LONRF3: variants seen among roughly 807,000 people sequenced by gnomAD.
LONRF3 encodes LON peptidase N-terminal domain and RING finger protein 3.
A neutral mutation model predicts 51.7 loss-of-function variants in LONRF3; 19 were observed. The ratio of observed to expected loss-of-function variants is 0.37; its 90% CI spans 0.26 to 0.54. LONRF3 has a LOEUF of 0.54. Among genes scored for constraint, LONRF3 ranks in the 20% least tolerant of loss-of-function variants. The pLI is 0.86. For missense variants in LONRF3, 521 were observed against 623.9 expected, an observed-to-expected ratio of 0.84 and a Z score of 1.76; for synonymous variants, 265 against 257.8, an observed-to-expected ratio of 1.03 and a Z score of -0.27.
intron 7 of LONRF3, among the ~76,000 whole-genome samples, chrX:119,010,429 C>CTTGTTTGA (rs1317026764): frequency 9.0e-6 from 1 of 111,477 alleles, no homozygotes; most frequent in African/African-American, 3.3e-5. Context: ...CTGCCAGTGG[C>CTTGTTTGA]TTGTTTGAAT....
At chrX:118,979,157 C>T (rs767923157) in intron 2 of LONRF3, among the ~76,000 whole-genome samples, 3 of 109,068 alleles carry the variant, frequency 2.8e-5, no homozygotes, top group South Asian at 4.1e-4. Flanking sequence ...CCCGCCACCA[C>T]ACCTGGCTAA....
chrX:118,974,971 C>A lies in LONRF3; in HGVS notation c.191C>A (p.Thr64Lys). The change falls in exon 1 of 11, where the codon ACG (threonine) becomes AAG (lysine). Residue 64 changes from threonine (T) to lysine (K), a missense_variant. Thr to Lys is a moderately conservative substitution (Grantham distance 78). Around this residue, in one of 2 missense-constraint regions of LONRF3, gnomAD observed 376 missense variants for 376.7 expected, o/e 1.00. Transcript: ENST00000371628. ...PEQEQSPGTSTPESKVLLTQA... is the reference protein window; with the variant it reads ...PEQEQSPGTSKPESKVLLTQA... ...CAAGAGCAGTCTCCGGGGACCTCAA[C>A]GCCGGAGAGCAAAGTCCTGCTCACG... is the stretch of plus-strand genomic sequence containing the variant. 1 of 1,175,588 alleles carries A rather than the reference C, an allele frequency of 8.5e-7. No individual in the cohort carries two copies. Among genetic ancestry groups the A allele is most frequent in the South Asian group, 1.9e-5 (1 of 53,003 alleles).
At chrX:119,011,492 T>C (rs1158215971) in intron 7 of LONRF3, among the ~76,000 whole-genome samples, 1 of 111,981 alleles carries the variant, frequency 8.9e-6, no homozygotes, top group African/African-American at 3.2e-5. Flanking sequence ...AGAAAAAATA[T>C]GAATTATAGC....
Position 118,975,139 on chromosome X carries a change from C to T in LONRF3, c.359C>T (p.Ala120Val). The T allele has an allele frequency of 8.6e-7, 1 of 1,168,987 alleles. No individual in the cohort carries two copies. The highest frequency in any genetic ancestry group is 1.1e-6 in the Non-Finnish European group (1 of 874,513). ...CLAEKVPQGE[A>V]LAPAPPDEGS... ...GCGGAGAAAGTCCCGCAAGGCGAGG[C>T]GCTGGCGCCGGCGCCCCCGGACGAG... Residue 120 changes from alanine to valine, a missense_variant, in exon 1 of 11, where the codon GCG (alanine) becomes GTG (valine). Physicochemically the swap from Ala to Val is moderately conservative, Grantham distance 64 (BLOSUM62 0). Around this residue, in one of 2 missense-constraint regions of LONRF3, gnomAD observed 376 missense variants for 376.7 expected, o/e 1.00. Transcript: ENST00000371628.
At chrX:119,009,355 T>C (rs935578620) in intron 7 of LONRF3, 108 bp downstream of exon 7, 5 of 829,715 alleles carry the variant, frequency 6.0e-6, no homozygotes, top group Non-Finnish European at 8.5e-6. Context: ...GCTAGCTGCT[T>C]GAAATTGGCT....
At chrX:119,014,431 A>G (rs904660987) in intron 10 of LONRF3, 75 bp downstream of exon 10, 8 of 939,099 alleles carry the variant, frequency 8.5e-6, no homozygotes, top group Non-Finnish European at 1.2e-5. Context: ...TTAGATGGGT[A>G]TGTGGCTGCC....
Position 118,986,686 on chromosome X carries a change from C to T in LONRF3, c.1060-2722C>T, listed in dbSNP as rs113110467. The stretch of plus-strand genomic sequence containing the variant: ...CCAGATTCCTGGGCCACACTCCAGA[C>T]CTGGGGGAGATGGGAGTACAAAGTA... On this transcript the variant is annotated intron_variant, in intron 3 of 10. Transcript: ENST00000371628. Among the ~76,000 whole-genome samples the T allele has an allele frequency of 2.5e-3, 278 of 111,828 alleles. 1 individual carries two copies. Among genetic ancestry groups the T allele is most frequent in the African/African-American group, 8.4e-3 (258 of 30,708 alleles).
intron 2 of LONRF3, among the ~76,000 whole-genome samples, chrX:118,980,029 T>G (rs1425323718): frequency 8.9e-6 from 1 of 112,296 alleles, no homozygotes; most frequent in Non-Finnish European, 1.9e-5. Flanking sequence ...GTTTGCAAAA[T>G]GAAGCTATTG....
chrX:119,004,854 C>G (rs1243812728), intron 5 of LONRF3, among the ~76,000 whole-genome samples: 2 of 112,289 alleles, frequency 1.8e-5, no homozygotes, highest in African/African-American at 6.5e-5. Context: ...TAAAGCTGTT[C>G]AGGTGATTCT....
intron 1 of LONRF3, among the ~76,000 whole-genome samples, chrX:118,978,121 G>A (rs59338453): frequency 0.014 from 1,581 of 111,266 alleles, 34 homozygotes; most frequent in African/African-American, 0.048. Context: ...ACTTGTGAGC[G>A]GGGGCAAAAA....
intron 3 of LONRF3, among the ~76,000 whole-genome samples, chrX:118,988,729 T>G (rs149366556): frequency 0.012 from 1,355 of 110,773 alleles, 18 homozygotes; most frequent in Non-Finnish European, 0.017. Flanking sequence ...TTTTCAAATA[T>G]CCATCTCCTG....
chrX:119,005,481 C>T (rs1482269276), intron 5 of LONRF3, among the ~76,000 whole-genome samples: 2 of 111,624 alleles, frequency 1.8e-5, no homozygotes, highest in African/African-American at 3.3e-5. Flanking sequence ...TGTGTATATG[C>T]ATCAATATAG....
chrX:119,012,851 T>A (rs1157432778), intron 8 of LONRF3, 188 bp from the exon 9 acceptor site: 1 of 1,146,599 alleles, frequency 8.7e-7, no homozygotes, highest in Non-Finnish European at 1.2e-6. Flanking sequence ...GTTACACGAA[T>A]ACATTACGAA....
intron 8 of LONRF3, 128 bp downstream of exon 8, chrX:119,012,101 T>C: frequency 1.6e-6 from 1 of 639,482 alleles, no homozygotes; most frequent in Non-Finnish European, 2.4e-6. Flanking sequence ...TATGAGCATT[T>C]GTAAGGATCA....
chrX:119,014,426 T>C, intron 10 of LONRF3, 70 bp downstream of exon 10: 1 of 977,497 alleles, frequency 1.0e-6, no homozygotes, highest in Non-Finnish European at 1.4e-6. Context: ...TGTGATTAGA[T>C]GGGTATGTGG....
chrX:118,986,060 ACACACACAC>A (rs1922936159), intron 3 of LONRF3, among the ~76,000 whole-genome samples: 2 of 14,302 alleles, frequency 1.4e-4, no homozygotes, highest in African/African-American at 5.3e-4. Context: ...AAACACACAC[ACACACACAC>A]ACACACACAC....
At chrX:119,005,840 G>C (rs1924667707) in intron 5 of LONRF3, among the ~76,000 whole-genome samples, 1 of 111,109 alleles carries the variant, frequency 9.0e-6, no homozygotes, top group Non-Finnish European at 1.9e-5. Context: ...ATTTTTCTTG[G>C]ACCAGACAGG....
chrX:118,999,083 G>A (rs746846537), intron 5 of LONRF3, among the ~76,000 whole-genome samples: 1 of 112,679 alleles, frequency 8.9e-6, no homozygotes, highest in South Asian at 3.7e-4. Context: ...TATTCTGAAT[G>A]ATCGTTGTTG....
chrX:118,986,681 C>T (rs6603457), intron 3 of LONRF3, among the ~76,000 whole-genome samples: 46,105 of 110,736 alleles, frequency 0.42, 7,147 homozygotes, highest in African/African-American at 0.51. Flanking sequence ...GGGCCACACT[C>T]CAGACCTGGG....
Sources: gnomAD v4.1 joint callset for allele counts (sites outside exome capture counted in the v4.1 genomes callset) on GRCh38, gnomAD v4.1.1 for gene constraint, gnomAD v4.1.1 regional missense constraint, MANE v1.5 for transcripts, NCBI Gene and HGNC (gene_info 2026-07-23, HGNC 2026-07-21) for gene names.